ARID1A: variants seen among roughly 807,000 people sequenced by gnomAD.
ARID1A encodes AT-rich interactive domain-containing protein 1A.
A neutral mutation model predicts 212.6 loss-of-function variants in ARID1A; 20 were observed. The ratio of observed to expected loss-of-function variants is 0.09; its 90% CI spans 0.07 to 0.14. ARID1A has a LOEUF of 0.14. ARID1A is among the 10% of genes least tolerant of loss of function. The pLI is 1.00. For missense variants in ARID1A, 2,587 were observed against 3,059.0 expected, an observed-to-expected ratio of 0.85 and a Z score of 3.64; for synonymous variants, 1,376 against 1,222.1, an observed-to-expected ratio of 1.13 and a Z score of -2.63.
intron 1 of ARID1A, among the ~76,000 whole-genome samples, chr1:26,710,520 C>CAG (rs2080442868): frequency 5.9e-5 from 9 of 151,370 alleles, no homozygotes; most frequent in African/African-American, 1.9e-4. Context: ...CACACACACA[C>CAG]ACACACACCA....
At position 26,762,244 on chromosome 1, in the gene ARID1A, C is replaced by T. The variant is rs754911395; in HGVS notation, c.2344C>T (p.His782Tyr). The T allele has an allele frequency of 3.1e-6, 5 of 1,614,098 alleles. No homozygotes were observed. In the African/African-American group the frequency reaches 5.3e-5, roughly 17 times the overall value. ...SPRQPSGGQI[H>Y]TGMGSYQQNS... is the part of the protein sequence containing the mutation. ...GCGTCAGCCTTCCGGAGGACAGATA[C>T]ACACAGGCATGGGCTCCTACCAGCA... is the stretch of plus-strand genomic sequence containing the variant. The change falls in exon 7 of 20, where the codon CAC becomes TAC. Residue 782 changes from histidine (H) to tyrosine (Y), a missense_variant. Coordinates refer to ENST00000324856, the MANE Select transcript of ARID1A (RefSeq NM_006015.6).
In ARID1A at chr1:26,773,995, T is replaced by G. The variant is rs2081110426; in HGVS notation, c.4101+97T>G. 1.6e-5 allele frequency: 24 copies of G among 1,468,474 alleles called. 1 individual carries two copies. The South Asian group carries it at 2.6e-4, about 16-fold the overall frequency. The allele number at this position is 1,468,474 out of a possible 1,614,324, so 91.0% of individuals were successfully genotyped here. On this transcript the variant is annotated intron_variant, in intron 17 of 19. Transcript: ENST00000324856. ...GTGTTGAAGTCTAAGAAGCTCACTT[T>G]AGATATTTTGGCATTCTTCTCTCAC...
chr1:26,711,112 C>T (rs1353503698), intron 1 of ARID1A, among the ~76,000 whole-genome samples: 2 of 151,196 alleles, frequency 1.3e-5, no homozygotes, highest in Admixed American at 6.6e-5. Flanking sequence ...ATGTCTCTTG[C>T]TCTTTTTTTT....
Position 26,696,673 on chromosome 1 carries a change from C to A in ARID1A, c.270C>A (p.Ser90Arg), listed in dbSNP as rs1380239964. ...GTGGCGGCGGCGGCGGAGCCGGCAGCGGCGGCGGGCCCGGCGCGGAGCCGG... is the reference window on the plus strand; with the variant it reads ...GTGGCGGCGGCGGCGGAGCCGGCAGAGGCGGCGGGCCCGGCGCGGAGCCGG... ...NGGGGGGGAGSGGGPGAEPDL... is the reference protein window; with the variant it reads ...NGGGGGGGAGRGGGPGAEPDL... The change falls in exon 1 of 20, where the codon AGC becomes AGA. Residue 90 changes from serine (S) to arginine (R), a missense_variant. Ser to Arg is a moderately radical substitution (Grantham distance 110, BLOSUM62 -1). Around this residue, in one of 11 missense-constraint regions of ARID1A, gnomAD observed 735 missense variants for 590.6 expected, o/e 1.24. Transcript: ENST00000324856. The A allele has an allele frequency of 3.0e-6, 4 of 1,322,438 alleles. No individual in the cohort carries two copies. In the South Asian group the frequency reaches 6.4e-5, roughly 21 times the overall value. The allele number at this position is 1,322,438 out of a possible 1,614,324, so 81.9% of individuals were successfully genotyped here.
chr1:26,716,193 G>A (rs1482855383), intron 1 of ARID1A, among the ~76,000 whole-genome samples: 1 of 133,652 alleles, frequency 7.5e-6, no homozygotes. Flanking sequence ...GTAACAGCGA[G>A]ATTCCGTCTC....
Position 26,780,536 on chromosome 1 carries a change from C to T in ARID1A, c.6638C>T (p.Ala2213Val), listed in dbSNP as rs779441751. 5.6e-6 allele frequency: 9 copies of T among 1,614,166 alleles called. No individual in the cohort carries two copies. In the Admixed American group the frequency reaches 1.2e-4, roughly 21 times the overall value. ...GCCACACAGTTCCAGCAGAGCCAGG[C>T]CAGCCTCCTCCACATGCAGAACCCA... The part of the protein sequence containing the change: ...LAATQFQQSQ[A>V]SLLHMQNPPF... Residue 2213 changes from alanine to valine, a missense_variant, in exon 20 of 20, where the codon GCC becomes GTC. Ala to Val is a moderately conservative substitution (Grantham distance 64, BLOSUM62 0). This residue lies in a region of ARID1A where 24 missense variants were observed against 16.5 expected (regional missense o/e 1.46). Transcript: ENST00000324856. The surrounding 1 kb of genome is among the most constrained non-coding windows in gnomAD (Gnocchi z 7.2).
intron 4 of ARID1A, among the ~76,000 whole-genome samples, chr1:26,738,876 GTTTTTT>G (rs35110787): frequency 8.6e-6 from 1 of 116,674 alleles, no homozygotes; most frequent in Non-Finnish European, 1.8e-5. Flanking sequence ...CTTTTCTTTT[GTTTTTT>G]TTTTTTTTTT....
At chr1:26,720,579 T>A (rs755166667) in intron 1 of ARID1A, among the ~76,000 whole-genome samples, 4 of 151,764 alleles carry the variant, frequency 2.6e-5, no homozygotes, top group Non-Finnish European at 5.9e-5. Context: ...CTCTTAAGAT[T>A]AAAAATACAG....
At chr1:26,746,387 C>G (rs969476791) in intron 4 of ARID1A, among the ~76,000 whole-genome samples, 6 of 152,152 alleles carry the variant, frequency 3.9e-5, no homozygotes, top group African/African-American at 7.2e-5. Flanking sequence ...CCAAAAAGAT[C>G]AACCAAAATC....
Position 26,779,728 on chromosome 1 carries a change from A to G in ARID1A, c.5830A>G (p.Ser1944Gly), listed in dbSNP as rs563607855. 19 of 1,614,166 alleles carry G rather than the reference A, an allele frequency of 1.2e-5. No homozygotes were observed. Among genetic ancestry groups the G allele is most frequent in the East Asian group, 2.2e-5 (1 of 44,884 alleles). Residue 1944 changes from serine to glycine, a missense_variant, in exon 20 of 20, where the codon AGC becomes GGC. Ser to Gly is a moderately conservative substitution (Grantham distance 56, BLOSUM62 0). Transcript: ENST00000324856. ...KESSKFPFGI[S>G]PAQSHRNIKI... ...GAGCAGCAAGTTTCCATTTGGCATT[A>G]GCCCAGCACAGAGCCACCGGAACAT...
chr1:26,704,428 T>C (rs559204056), intron 1 of ARID1A, among the ~76,000 whole-genome samples: 12 of 152,320 alleles, frequency 7.9e-5, no homozygotes, highest in African/African-American at 2.9e-4. Context: ...CTGTTGGGAC[T>C]CTTAGGCTGC....
chr1:26,734,084 C>G (rs999515385), intron 4 of ARID1A, among the ~76,000 whole-genome samples: 4 of 152,174 alleles, frequency 2.6e-5, no homozygotes, highest in Admixed American at 2.6e-4. Context: ...ATAAAGTGAT[C>G]ACTCTTTGTT....
chr1:26,756,947 C>T (rs1377399463), intron 4 of ARID1A, among the ~76,000 whole-genome samples: 1 of 152,104 alleles, frequency 6.6e-6, no homozygotes, highest in Non-Finnish European at 1.5e-5. Context: ...TGTGATCCGC[C>T]CGCCTCAGCC....
At position 26,772,183 on chromosome 1, in the gene ARID1A, G is replaced by A; in HGVS notation, c.3407-317G>A. 1.4e-5 allele frequency: 5 copies of A among 350,468 alleles called. No individual in the cohort carries two copies. The East Asian group carries it at 2.1e-4, about 15-fold the overall frequency. 21.7% of individuals were successfully genotyped at this position (350,468 alleles called of 1,614,324 possible). ...GCACCAGCATTACAGGGTTTAGTAG[G>A]TTAGACAAGGTCCTTTGGCGGAGTG... On this transcript the variant is annotated intron_variant, in intron 12 of 19. Transcript: ENST00000324856.
At chr1:26,750,212 T>C (rs1355299100) in intron 4 of ARID1A, among the ~76,000 whole-genome samples, 1 of 152,182 alleles carries the variant, frequency 6.6e-6, no homozygotes. Context: ...TCAAAATAGA[T>C]GGTTTAATAG....
intron 4 of ARID1A, among the ~76,000 whole-genome samples, chr1:26,736,912 A>C (rs1021533710): frequency 2.0e-5 from 3 of 151,680 alleles, no homozygotes; most frequent in African/African-American, 4.9e-5. Context: ...CAAAAAAAAA[A>C]AAAAAAAAAA....
intron 19 of ARID1A, 75 bp from the exon 20 acceptor site, chr1:26,778,948 G>A (rs2124135841): frequency 7.2e-7 from 1 of 1,391,378 alleles, no homozygotes; most frequent in Non-Finnish European, 9.6e-7. Flanking sequence ...GACTTGGGGA[G>A]GTCTCTCAAG....
chr1:26,780,229 G>A lies in ARID1A; in HGVS notation c.6331G>A (p.Val2111Ile), dbSNP rs770028290. Residue 2111 changes from valine to isoleucine, a missense_variant, in exon 20 of 20, where the codon GTC (valine) becomes ATC (isoleucine). Transcript: ENST00000324856. The surrounding 1 kb of genome is among the most constrained non-coding windows in gnomAD (Gnocchi z 7.2). Reference sequence around the variant, plus strand: ...CTTTTCCACCCTGGGCCCCAATGCCGTCCTTTCCCCGCAGAGACTGGTCTT... The same window carrying A: ...CTTTTCCACCCTGGGCCCCAATGCCATCCTTTCCCCGCAGAGACTGGTCTT... The part of the protein sequence containing the change: ...DPFSTLGPNA[V>I]LSPQRLVLET... 35 of 1,614,014 alleles carry A rather than the reference G, an allele frequency of 2.2e-5. No homozygotes were observed. The highest frequency in any genetic ancestry group is 8.8e-5 in the South Asian group (8 of 91,078).
chr1:26,716,348 C>T (rs2080502924), intron 1 of ARID1A, among the ~76,000 whole-genome samples: 1 of 152,148 alleles, frequency 6.6e-6, no homozygotes, highest in East Asian at 1.9e-4. Context: ...TTCCTGCCTC[C>T]ATGGAGTACT....
Sources: allele counts gnomAD v4.1 joint callset (sites outside exome capture counted in the v4.1 genomes callset), GRCh38; gene constraint gnomAD v4.1.1; regional missense constraint gnomAD v4.1.1; non-coding constraint Gnocchi (gnomAD v3.1); transcripts MANE v1.5; gene names NCBI Gene and HGNC (gene_info 2026-07-23, HGNC 2026-07-21).